The following DHX29 variants were observed in gnomAD, a reference collection of about 807,000 sequenced individuals.
DHX29 encodes the protein ATP-dependent RNA helicase DHX29.
DHX29 carries 79 observed loss-of-function variants against 167.9 expected under a neutral mutation model. That is an observed-to-expected ratio of 0.47 (90% CI 0.39 to 0.57). DHX29 has a LOEUF of 0.57. DHX29 is among the 20% of genes least tolerant of loss of function. The pLI is 0.00. For missense variants in DHX29, 1,347 were observed against 1,593.4 expected (o/e 0.85, Z 2.63); for synonymous variants, 530 against 546.0 (o/e 0.97, Z 0.41).
Position 55,283,809 on chromosome 5 carries a change from T to G in DHX29, c.1359A>C (p.Ser453=). Residue 453 remains serine, a splice_region_variant and synonymous_variant, in exon 11 of 27, where the codon TCA becomes TCC. Coordinates refer to ENST00000251636, the MANE Select transcript of DHX29 (RefSeq NM_019030.4). ...LALYRLVKGQ[S]VHQLLPPTYR... Reference sequence around the variant, plus strand: ...AAGTGGGAGGAAGTAACTGATGAACTGACTAAAGGAAAAACAGAGGTATGT... The same window carrying G: ...AAGTGGGAGGAAGTAACTGATGAACGGACTAAAGGAAAAACAGAGGTATGT... The G allele has an allele frequency of 6.4e-7, 1 of 1,573,642 alleles. No homozygotes were observed. The highest frequency in any genetic ancestry group is 8.6e-7 in the Non-Finnish European group (1 of 1,164,912).
intron 23 of DHX29, among the ~76,000 whole-genome samples, chr5:55,265,240 G>A: frequency 6.6e-6 from 1 of 150,860 alleles, no homozygotes; most frequent in Non-Finnish European, 1.5e-5. Flanking sequence ...GAAACAATAG[G>A]TCTGAGTGTT....
At chr5:55,304,221 G>A (rs1256636416) in intron 1 of DHX29, among the ~76,000 whole-genome samples, 1 of 151,874 alleles carries the variant, frequency 6.6e-6, no homozygotes, top group Non-Finnish European at 1.5e-5. Context: ...TGCATCTCAA[G>A]GCCTTTCTGT....
chr5:55,272,293 A>T (rs1561143377), intron 17 of DHX29, 118 bp from the exon 18 acceptor site: 3 of 673,080 alleles, frequency 4.5e-6, no homozygotes, highest in Non-Finnish European at 7.4e-6. Flanking sequence ...TCAGTCACAA[A>T]AATTTACAAT....
intron 21 of DHX29, among the ~76,000 whole-genome samples, chr5:55,268,349 GT>G (rs1259480031): frequency 6.6e-6 from 1 of 152,198 alleles, no homozygotes; most frequent in South Asian, 2.1e-4. Flanking sequence ...CAAAATTCCA[GT>G]GAATATCTAT....
At chr5:55,281,075 ACACACG>A (rs1430083485) in intron 12 of DHX29, among the ~76,000 whole-genome samples, 13 of 147,704 alleles carry the variant, frequency 8.8e-5, no homozygotes, top group Non-Finnish European at 1.8e-4. Context: ...ACACACACAC[ACACACG>A]CTATATATAA....
intron 14 of DHX29, among the ~76,000 whole-genome samples, chr5:55,275,649 A>C (rs1397838573): frequency 6.6e-6 from 1 of 152,156 alleles, no homozygotes; most frequent in East Asian, 1.9e-4. Flanking sequence ...GCAGGATAAC[A>C]TTGTTTTTGT....
At chr5:55,277,358 C>T in intron 12 of DHX29, 76 bp from the exon 13 acceptor site, 2 of 930,090 alleles carry the variant, frequency 2.2e-6, no homozygotes, top group Admixed American at 2.8e-5. Flanking sequence ...CAATCAGACA[C>T]CCAGATTTAC....
intron 3 of DHX29, 116 bp downstream of exon 3, chr5:55,297,169 G>A (rs1701729846): frequency 1.6e-6 from 1 of 609,060 alleles, no homozygotes; most frequent in Admixed American, 3.1e-5. Flanking sequence ...TCTTAGAGAT[G>A]GAAATGATCT....
intron 20 of DHX29, 91 bp from the exon 21 acceptor site, chr5:55,269,728 A>C: frequency 1.9e-6 from 2 of 1,067,266 alleles, no homozygotes; most frequent in Non-Finnish European, 2.8e-6. Flanking sequence ...TGACTTCAGT[A>C]AAATTTTGAG....
At chr5:55,303,002 T>G (rs979857475) in intron 1 of DHX29, among the ~76,000 whole-genome samples, 3 of 152,102 alleles carry the variant, frequency 2.0e-5, no homozygotes, top group African/African-American at 7.2e-5. Context: ...AATTTATAAA[T>G]GAAAGGTCAT....
chr5:55,295,207 G>T, intron 5 of DHX29, 172 bp downstream of exon 5: 1 of 581,912 alleles, frequency 1.7e-6, no homozygotes, highest in Non-Finnish European at 3.0e-6. Flanking sequence ...ACTACATTTT[G>T]GAGTGGTTTG....
In DHX29 at chr5:55,277,184, A is replaced by C. The variant is rs536992962; in HGVS notation, c.2208T>G (p.Thr736=). ...SDLHLILMSA[T]VDSEKFSTYF... is the part of the protein sequence containing the mutation. ...ATGTAGAAAATTTTTCGCTGTCCACAGTGGCACTCATTAGAATCAAGTGTA... is the reference window on the plus strand; with the variant it reads ...ATGTAGAAAATTTTTCGCTGTCCACCGTGGCACTCATTAGAATCAAGTGTA... The change falls in exon 13 of 27, where the codon ACT becomes ACG. Residue 736 remains threonine (T), a synonymous_variant. Transcript: ENST00000251636. 1.3e-5 allele frequency: 21 copies of C among 1,612,596 alleles called. No homozygotes were observed. In the Admixed American group the frequency reaches 2.3e-4, roughly 18 times the overall value.
At position 55,256,242 on chromosome 5, in the gene DHX29, A is replaced by G. The variant is rs1260604593; in HGVS notation, c.*246T>C. ...CCTTATTAACACAACGATGAGCAAA[A>G]CATGCATAATACCAAAGAATTTATT... On this transcript the variant is annotated 3_prime_UTR_variant, in exon 27 of 27. Coordinates refer to ENST00000251636, the MANE Select transcript of DHX29 (RefSeq NM_019030.4). 1 of 311,312 alleles carries G rather than the reference A, an allele frequency of 3.2e-6. No individual in the cohort carries two copies. The allele number at this position is 311,312 out of a possible 1,614,324, so 19.3% of individuals were successfully genotyped here.
At chr5:55,290,371 G>C (rs1170529550) in intron 6 of DHX29, 27 bp from the exon 7 acceptor site, 6 of 1,543,430 alleles carry the variant, frequency 3.9e-6, no homozygotes, top group Non-Finnish European at 5.2e-6. Flanking sequence ...AATGAGGAGG[G>C]GGAAAAAAAA....
chr5:55,272,245 A>C, intron 17 of DHX29, 70 bp from the exon 18 acceptor site: 1 of 964,176 alleles, frequency 1.0e-6, no homozygotes, highest in South Asian at 1.6e-5. Flanking sequence ...AAATTTCTTT[A>C]GTTTGAGCTG....
chr5:55,283,762 C>G lies in DHX29; in HGVS notation c.1406G>C (p.Trp469Ser). ...PPTYRDVWLE[W>S]SDAEKKREEL... ...TTCCCTTTTCTTTTCTGCATCACTC[C>G]ACTCCAGCCAAACATCTCGGTAAGT... Residue 469 changes from tryptophan to serine, a missense_variant, in exon 11 of 27, where the codon TGG becomes TCG. Trp to Ser is a radical substitution (Grantham distance 177). Coordinates refer to ENST00000251636, the MANE Select transcript of DHX29 (RefSeq NM_019030.4). 6.2e-7 allele frequency: 1 copy of G among 1,610,824 alleles called. No homozygotes were observed. Among genetic ancestry groups the G allele is most frequent in the Non-Finnish European group, 8.5e-7 (1 of 1,178,896 alleles).
At chr5:55,276,649 T>G (rs1747131327) in intron 13 of DHX29, among the ~76,000 whole-genome samples, 1 of 152,022 alleles carries the variant, frequency 6.6e-6, no homozygotes, top group African/African-American at 2.4e-5. Flanking sequence ...TGTGAAACAG[T>G]TAAGAATAGA....
intron 14 of DHX29, among the ~76,000 whole-genome samples, chr5:55,275,769 G>A (rs545333037): frequency 2.0e-5 from 3 of 151,826 alleles, no homozygotes; most frequent in Admixed American, 6.6e-5. Context: ...ATGTATGTAT[G>A]TATGTGTGTG....
chr5:55,273,436 A>G, intron 16 of DHX29, 59 bp from the exon 17 acceptor site: 1 of 1,420,896 alleles, frequency 7.0e-7, no homozygotes, highest in Non-Finnish European at 9.3e-7. Flanking sequence ...ACTGCAAAGA[A>G]TAACAAAATT....
Sources: gnomAD v4.1 joint callset for allele counts (sites outside exome capture counted in the v4.1 genomes callset) on GRCh38, gnomAD v4.1.1 for gene constraint, MANE v1.5 for transcripts, NCBI Gene and HGNC (gene_info 2026-07-23, HGNC 2026-07-21) for gene names.